The following LHFPL3 variants were observed in gnomAD, a reference collection of about 807,000 sequenced individuals.
The protein encoded by LHFPL3 is LHFPL tetraspan subfamily member 3.
A neutral mutation model predicts 19.3 loss-of-function variants in LHFPL3; 5 were observed. The ratio of observed to expected loss-of-function variants is 0.26; its 90% confidence interval spans 0.14 to 0.54. The LOEUF is 0.54. LHFPL3 is among the 20% of genes least tolerant of loss of function. LHFPL3 has a pLI of 0.94. For missense variants in LHFPL3, 249 were observed against 307.4 expected (o/e 0.81, Z 1.42); for synonymous variants, 133 against 126.2 (o/e 1.05, Z -0.36).
intron 1 of LHFPL3, among the ~76,000 whole-genome samples, chr7:104,444,995 A>AG (rs1269766112): frequency 4.6e-5 from 7 of 152,102 alleles, no homozygotes; most frequent in African/African-American, 1.7e-4. Context: ...TCTCCAAAAA[A>AG]AAAAAAGAAT....
chr7:104,825,741 C>T (rs576306959), intron 2 of LHFPL3, among the ~76,000 whole-genome samples: 8 of 151,986 alleles, frequency 5.3e-5, no homozygotes, highest in Non-Finnish European at 2.9e-5. Flanking sequence ...CTTCCATCCT[C>T]AAGATAACCT....
chr7:104,731,898 A>C (rs1793712011), intron 1 of LHFPL3, among the ~76,000 whole-genome samples: 1 of 152,204 alleles, frequency 6.6e-6, no homozygotes. Context: ...GATACGTCTC[A>C]TTAATACCTA....
At chr7:104,558,775 A>T (rs1007551677) in intron 1 of LHFPL3, among the ~76,000 whole-genome samples, 2 of 147,446 alleles carry the variant, frequency 1.4e-5, no homozygotes, top group Non-Finnish European at 3.0e-5. Context: ...CCTGAATGGT[A>T]TTGCCTAGGT....
intron 1 of LHFPL3, among the ~76,000 whole-genome samples, chr7:104,624,523 G>C (rs754089262): frequency 6.6e-6 from 1 of 152,174 alleles, no homozygotes; most frequent in Non-Finnish European, 1.5e-5. Flanking sequence ...TGGGGAAAAG[G>C]GGGTGGAACA....
At chr7:104,880,756 G>C (rs939498924) in intron 2 of LHFPL3, among the ~76,000 whole-genome samples, 11 of 152,104 alleles carry the variant, frequency 7.2e-5, no homozygotes, top group African/African-American at 2.7e-4. Flanking sequence ...CCCAAGAGCT[G>C]TAATGGAGGT....
intron 1 of LHFPL3, among the ~76,000 whole-genome samples, chr7:104,338,110 T>TC (rs1789870317): frequency 7.0e-6 from 1 of 142,364 alleles, no homozygotes; most frequent in Non-Finnish European, 1.5e-5. Flanking sequence ...TTTTTTTTTT[T>TC]TTTTTTGAGA....
intron 1 of LHFPL3, among the ~76,000 whole-genome samples, chr7:104,655,817 A>G (rs921906423): frequency 2.0e-5 from 3 of 152,154 alleles, no homozygotes; most frequent in African/African-American, 7.2e-5. Flanking sequence ...TTAATTCGTG[A>G]GTTTCTGGTG....
At chr7:104,474,681 C>CAAAAAAAAAAAAAAAAAAA (rs1295318624) in intron 1 of LHFPL3, among the ~76,000 whole-genome samples, 1 of 59,146 alleles carries the variant, frequency 1.7e-5, no homozygotes, top group African/African-American at 6.9e-5. Context: ...ACAACAACAA[C>CAAAAAAAAAAAAAAAAAAA]AACAACAAAA....
At chr7:104,523,889 C>CAT (rs1794131012) in intron 1 of LHFPL3, among the ~76,000 whole-genome samples, 1 of 152,146 alleles carries the variant, frequency 6.6e-6, no homozygotes, top group Non-Finnish European at 1.5e-5. Context: ...TCATGGTGCT[C>CAT]ATCCAAGACT....
intron 1 of LHFPL3, among the ~76,000 whole-genome samples, chr7:104,463,790 A>G (rs570330421): frequency 6.6e-6 from 1 of 152,348 alleles, no homozygotes; most frequent in South Asian, 2.1e-4. Context: ...TCTGTGACAC[A>G]TGGGGATTAT....
Position 104,485,756 on chromosome 7 carries a change from C to T in LHFPL3, c.445+156532C>T, listed in dbSNP as rs370435565. 1.1e-3 allele frequency among the ~76,000 whole-genome samples: 167 copies of T among 152,212 alleles called. 1 individual carries two copies. Among genetic ancestry groups the T allele is most frequent in the African/African-American group, 3.9e-3 (161 of 41,540 alleles). ...TTTACATTAGGTGTTTCTCCTAATG[C>T]TCTCCCTCCCCCAGCCTCCCACCCC... On this transcript the variant is annotated intron_variant, in intron 1 of 2. Transcript: ENST00000424859.
chr7:104,456,035 A>G (rs1194884468), intron 1 of LHFPL3, among the ~76,000 whole-genome samples: 1 of 152,236 alleles, frequency 6.6e-6, no homozygotes, highest in Non-Finnish European at 1.5e-5. Context: ...TGTATCTGTC[A>G]GTGTATGAGG....
intron 1 of LHFPL3, among the ~76,000 whole-genome samples, chr7:104,542,657 G>A (rs556954104): frequency 2.0e-5 from 3 of 152,272 alleles, no homozygotes; most frequent in African/African-American, 4.8e-5. Flanking sequence ...CACACCCATC[G>A]CAGGTGAGAA....
intron 1 of LHFPL3, among the ~76,000 whole-genome samples, chr7:104,606,137 A>G (rs572099316): frequency 2.0e-5 from 3 of 152,270 alleles, no homozygotes; most frequent in African/African-American, 7.2e-5. Context: ...TTGAGATTAC[A>G]GGCGTGAGCC....
intron 1 of LHFPL3, among the ~76,000 whole-genome samples, chr7:104,529,559 A>G (rs28507386): frequency 6.6e-6 from 1 of 152,200 alleles, no homozygotes; most frequent in Non-Finnish European, 1.5e-5. Flanking sequence ...ACGTATGTCA[A>G]ATATTGGCCA....
At chr7:104,831,937 T>C (rs1790960581) in intron 2 of LHFPL3, among the ~76,000 whole-genome samples, 1 of 152,004 alleles carries the variant, frequency 6.6e-6, no homozygotes. Flanking sequence ...TGGAATAAGA[T>C]GGCATAAGGA....
intron 1 of LHFPL3, among the ~76,000 whole-genome samples, chr7:104,549,470 C>G (rs913615864): frequency 6.6e-6 from 1 of 151,688 alleles, no homozygotes; most frequent in African/African-American, 2.4e-5. Context: ...CACACACACA[C>G]ACACACACAC....
chr7:104,397,462 T>A (rs1791214085), intron 1 of LHFPL3, among the ~76,000 whole-genome samples: 1 of 152,220 alleles, frequency 6.6e-6, no homozygotes, highest in African/African-American at 2.4e-5. Flanking sequence ...CCTTCAGATA[T>A]TCCTGGGGAT....
In LHFPL3 at chr7:104,386,360, A is replaced by G. The variant is rs1247002402; in HGVS notation, c.445+57136A>G. 1.6e-4 allele frequency among the ~76,000 whole-genome samples: 24 copies of G among 152,200 alleles called. 1 individual carries two copies. The highest frequency in any genetic ancestry group is 1.6e-3 in the Admixed American group (24 of 15,262). The stretch of plus-strand genomic sequence containing the variant: ...ATACCTAGGGAGTTTGTTGAAGACA[A>G]TCTTTGGTGATTGTTTAATACCACA... On this transcript the variant is annotated intron_variant, in intron 1 of 2. Transcript: ENST00000424859.
Sources: gnomAD v4.1 joint callset for allele counts (sites outside exome capture counted in the v4.1 genomes callset) on GRCh38, gnomAD v4.1.1 for gene constraint, MANE v1.5 for transcripts, NCBI Gene and HGNC (gene_info 2026-07-23, HGNC 2026-07-21) for gene names.